Variants in ARIH1 observed in about 807,000 individuals in gnomAD.
The protein encoded by ARIH1 is ariadne RBR E3 ubiquitin protein ligase 1.
In ARIH1, 8 loss-of-function variants were observed where a neutral mutation model predicts 85.0. The observed-to-expected ratio is 0.09, with a 90% CI of 0.06 to 0.17. The LOEUF is 0.17. Among genes scored for constraint, ARIH1 ranks in the 10% least tolerant of loss-of-function variants. The pLI, the probability that ARIH1 is intolerant of heterozygous loss-of-function variation, is 1.00. For missense variants in ARIH1, 311 were observed against 718.1 expected (o/e 0.43, Z 6.48); for synonymous variants, 238 against 253.6 (o/e 0.94, Z 0.59).
At chr15:72,494,638 A>G (rs560119154) in intron 1 of ARIH1, among the ~76,000 whole-genome samples, 1 of 152,248 alleles carries the variant, frequency 6.6e-6, no homozygotes, top group East Asian at 1.9e-4. Context: ...TTTTAAATTA[A>G]TAAGGAATTA....
rs1284656055 is a variant in ARIH1, at chr15:72,587,169, T to TC, written c.*3878dup. On this transcript the variant is annotated 3_prime_UTR_variant, in exon 14 of 14. Transcript: ENST00000379887. ...TTTTTATAAAGGAGGAAGATAAGGC[T>TC]CACTGAGGTTAAATAACTCCCTCAA... is the stretch of plus-strand genomic sequence containing the variant. 8.1e-6 allele frequency: 4 copies of TC among 491,610 alleles called. No individual in the cohort carries two copies. The highest frequency in any genetic ancestry group is 7.8e-5 in the African/African-American group (4 of 51,474). 30.5% of individuals were successfully genotyped at this position (491,610 alleles called of 1,614,324 possible).
At chr15:72,475,558 G>A (rs1287067297) in intron 1 of ARIH1, among the ~76,000 whole-genome samples, 2 of 152,240 alleles carry the variant, frequency 1.3e-5, no homozygotes, top group Non-Finnish European at 2.9e-5. Context: ...GGGAAGGGAA[G>A]TATTTCTCGG....
Position 72,596,628 on chromosome 15 carries a change from C to T in ARIH1, c.*13336C>T, listed in dbSNP as rs987561736. On this transcript the variant is annotated 3_prime_UTR_variant, in exon 14 of 14. Transcript: ENST00000379887. ...AACCTACAGATCTCAGATGATTTTTCCCCTGCCCTGTTTTCTTTTTGTTTT... is the reference window on the plus strand; with the variant it reads ...AACCTACAGATCTCAGATGATTTTTTCCCTGCCCTGTTTTCTTTTTGTTTT... 6.6e-6 allele frequency: 1 copy of T among 152,048 alleles called. No individual in the cohort carries two copies. The highest frequency in any genetic ancestry group is 1.5e-5 in the Non-Finnish European group (1 of 67,998). 9.4% of individuals were successfully genotyped at this position (152,048 alleles called of 1,614,324 possible).
At position 72,590,340 on chromosome 15, in the gene ARIH1, ACC is replaced by A. The variant is rs1178492828; in HGVS notation, c.*7049_*7050del. The A allele has an allele frequency of 6.6e-6, 1 of 152,202 alleles. No homozygotes were observed. The highest frequency in any genetic ancestry group is 1.5e-5 in the Non-Finnish European group (1 of 68,038). The allele number at this position is 152,202 out of a possible 1,614,324, so 9.4% of individuals were successfully genotyped here. On this transcript the variant is annotated 3_prime_UTR_variant, in exon 14 of 14. Coordinates refer to ENST00000379887, the MANE Select transcript of ARIH1 (RefSeq NM_005744.5). ...ATATAGACTGATTAGGGGACTTCCA[ACC>A]TAAGATTGTCCTGGAAACTTAATTC...
intron 2 of ARIH1, among the ~76,000 whole-genome samples, chr15:72,521,824 C>A (rs570259585): frequency 6.6e-6 from 1 of 152,194 alleles, no homozygotes; most frequent in Non-Finnish European, 1.5e-5. Flanking sequence ...GCTGGGGTTA[C>A]AGGCATGAGT....
chr15:72,504,001 G>A (rs191640915), intron 1 of ARIH1, among the ~76,000 whole-genome samples: 2 of 152,316 alleles, frequency 1.3e-5, no homozygotes, highest in African/African-American at 2.4e-5. Context: ...GCCTTGTTGC[G>A]TGGGGCAGCC....
At chr15:72,501,562 T>G (rs937368643) in intron 1 of ARIH1, among the ~76,000 whole-genome samples, 3 of 152,200 alleles carry the variant, frequency 2.0e-5, no homozygotes, top group African/African-American at 7.2e-5. Context: ...AGTGGTTGTG[T>G]TAAAGAAGTG....
chr15:72,570,146 T>C (rs555805736), intron 9 of ARIH1, 31 bp from the exon 10 acceptor site: 8 of 1,611,668 alleles, frequency 5.0e-6, no homozygotes, highest in South Asian at 2.2e-5. Context: ...TAGTGTAGCA[T>C]TGACACCAAC....
chr15:72,493,974 C>T (rs2063869832), intron 1 of ARIH1, among the ~76,000 whole-genome samples: 1 of 151,944 alleles, frequency 6.6e-6, no homozygotes, highest in Admixed American at 6.6e-5. Context: ...GCCTTTATAC[C>T]TCAACTACGT....
At chr15:72,560,569 T>C (rs2064193425) in intron 5 of ARIH1, among the ~76,000 whole-genome samples, 1 of 152,200 alleles carries the variant, frequency 6.6e-6, no homozygotes, top group Admixed American at 6.5e-5. Flanking sequence ...ACCTTAGAGC[T>C]CCATTACAAT....
intron 11 of ARIH1, among the ~76,000 whole-genome samples, chr15:72,576,213 C>T (rs1282984892): frequency 1.3e-5 from 2 of 151,860 alleles, no homozygotes; most frequent in Admixed American, 1.3e-4. Flanking sequence ...GTTAGGAACC[C>T]CTTTGATAGG....
At chr15:72,481,982 G>T (rs1466808830) in intron 1 of ARIH1, among the ~76,000 whole-genome samples, 1 of 151,896 alleles carries the variant, frequency 6.6e-6, no homozygotes, top group East Asian at 2.0e-4. Flanking sequence ...GATTACAGGC[G>T]CCCACCACTA....
chr15:72,564,858 T>A (rs1268452898), intron 7 of ARIH1, among the ~76,000 whole-genome samples: 3 of 152,106 alleles, frequency 2.0e-5, no homozygotes, highest in African/African-American at 7.2e-5. Context: ...CCTTTTTTTT[T>A]TAAAAAGGAT....
At chr15:72,534,860 T>C (rs941769117) in intron 2 of ARIH1, among the ~76,000 whole-genome samples, 4 of 152,036 alleles carry the variant, frequency 2.6e-5, no homozygotes, top group Non-Finnish European at 5.9e-5. Flanking sequence ...AATCAGAGCG[T>C]ATCAAGAATA....
chr15:72,525,415 A>G (rs1201511487), intron 2 of ARIH1, among the ~76,000 whole-genome samples: 2 of 152,262 alleles, frequency 1.3e-5, no homozygotes, highest in African/African-American at 4.8e-5. Context: ...AAAGGTATCA[A>G]CTAAAATCTA....
chr15:72,522,645 T>G (rs1358117145), intron 2 of ARIH1, among the ~76,000 whole-genome samples: 3 of 152,152 alleles, frequency 2.0e-5, no homozygotes, highest in Admixed American at 6.5e-5. Context: ...AAATTAGATA[T>G]TAATGAACTA....
chr15:72,553,706 TCAGGAGTTGGAGGCCAG>T (rs2064162468), intron 3 of ARIH1, among the ~76,000 whole-genome samples: 1 of 152,160 alleles, frequency 6.6e-6, no homozygotes, highest in Non-Finnish European at 1.5e-5. Context: ...GATCACGAGG[TCAGGAGTTGGAGGCCAG>T]CCTGGCAATA....
At chr15:72,546,933 GA>G (rs1302851862) in intron 3 of ARIH1, among the ~76,000 whole-genome samples, 21 of 43,198 alleles carry the variant, frequency 4.9e-4, no homozygotes, top group East Asian at 8.7e-4. Flanking sequence ...TTTTTTTTTG[GA>G]GGGGGGGGGG....
At chr15:72,484,864 G>T (rs1450710805) in intron 1 of ARIH1, among the ~76,000 whole-genome samples, 1 of 151,604 alleles carries the variant, frequency 6.6e-6, no homozygotes, top group Non-Finnish European at 1.5e-5. Context: ...CCCCATTTTT[G>T]CAGTTGCGAA....
Sources: allele counts gnomAD v4.1 joint callset (sites outside exome capture counted in the v4.1 genomes callset), GRCh38; gene constraint gnomAD v4.1.1; transcripts MANE v1.5; gene names NCBI Gene and HGNC (gene_info 2026-07-23, HGNC 2026-07-21).